Variants in COLEC11 observed in about 807,000 individuals in gnomAD.
The protein encoded by COLEC11 is collectin-11.
Under a neutral mutation model 27.3 loss-of-function variants are expected in COLEC11, and 20 were observed. That is an observed-to-expected ratio of 0.73 (90% CI 0.51 to 1.06). COLEC11 has a LOEUF of 1.06. COLEC11 is among the 50% of genes least tolerant of loss of function. COLEC11 has a pLI of 0.00. For missense variants in COLEC11, 310 were observed against 383.0 expected, an observed-to-expected ratio of 0.81 and a Z score of 1.59; for synonymous variants, 163 against 154.7, an observed-to-expected ratio of 1.05 and a Z score of -0.40.
intron 3 of COLEC11, among the ~76,000 whole-genome samples, chr2:3,616,391 G>A (rs917292213): frequency 6.6e-6 from 1 of 151,916 alleles, no homozygotes; most frequent in Non-Finnish European, 1.5e-5. Flanking sequence ...TCGGCACTTT[G>A]GGAGGCCAAG....
intron 3 of COLEC11, among the ~76,000 whole-genome samples, chr2:3,621,663 A>G (rs1031886522): frequency 6.6e-6 from 1 of 152,044 alleles, no homozygotes; most frequent in African/African-American, 2.4e-5. Flanking sequence ...AATTTTCTGT[A>G]GTAGTATGCA....
chr2:3,619,914 C>A (rs183298603), intron 3 of COLEC11, among the ~76,000 whole-genome samples: 1 of 152,222 alleles, frequency 6.6e-6, no homozygotes, highest in African/African-American at 2.4e-5. Flanking sequence ...GCATGAGCCA[C>A]CGCTCCCGGC....
chr2:3,643,304 G>A, intron 5 of COLEC11, 140 bp from the exon 6 acceptor site: 1 of 725,794 alleles, frequency 1.4e-6, no homozygotes, highest in Non-Finnish European at 2.5e-6. Context: ...GGATGAAGTG[G>A]GTGATGGTTA....
chr2:3,613,255 T>A, intron 2 of COLEC11, 56 bp from the exon 3 acceptor site: 1 of 1,549,114 alleles, frequency 6.5e-7, no homozygotes, highest in Non-Finnish European at 8.8e-7. Flanking sequence ...CACAAATCAC[T>A]CTGAGACGCT....
At chr2:3,624,923 T>G (rs1306167760) in intron 3 of COLEC11, among the ~76,000 whole-genome samples, 1 of 152,210 alleles carries the variant, frequency 6.6e-6, no homozygotes, top group South Asian at 2.1e-4. Context: ...TGGATCACAC[T>G]CTGCCATCCT....
intron 2 of COLEC11, chr2:3,606,253 C>T (rs1286310791): frequency 1.2e-5 from 18 of 1,549,942 alleles, no homozygotes; most frequent in Non-Finnish European, 1.5e-5. Flanking sequence ...GGTCAGTAGC[C>T]TGCACTGGTG....
intron 3 of COLEC11, among the ~76,000 whole-genome samples, chr2:3,619,122 A>G (rs1663994451): frequency 6.6e-6 from 1 of 151,714 alleles, no homozygotes; most frequent in Non-Finnish European, 1.5e-5. Flanking sequence ...AGCCAGCTTT[A>G]CCTCTCCCTT....
chr2:3,613,483 A>C, intron 3 of COLEC11, 101 bp downstream of exon 3: 1 of 1,269,706 alleles, frequency 7.9e-7, no homozygotes, highest in Non-Finnish European at 1.1e-6. Context: ...CAGAGAGGAC[A>C]GGCCCTGCCC....
chr2:3,625,388 G>T (rs1026494760), intron 3 of COLEC11, among the ~76,000 whole-genome samples: 1 of 152,114 alleles, frequency 6.6e-6, no homozygotes, highest in African/African-American at 2.4e-5. Context: ...CTGCCTTGTG[G>T]TGGGTGGGGG....
chr2:3,628,632 CGAG>C (rs1558509398), intron 3 of COLEC11, among the ~76,000 whole-genome samples: 2 of 152,190 alleles, frequency 1.3e-5, no homozygotes, highest in African/African-American at 4.8e-5. Context: ...ACCCCCCATT[CGAG>C]GAGGTGGTGC....
rs777356067 is a variant in COLEC11 at position 3,643,792 on chromosome 2, G to A, written c.490G>A (p.Ala164Thr). The change falls in exon 7 of 7, where the codon GCG becomes ACG. Residue 164 changes from alanine to threonine, a missense_variant. Transcript: ENST00000349077. ...YLLVKEEKRY[A>T]DAQLSCQGRG... ...GCTGGTGAAGGAGGAGAAGCGCTAC[G>A]CGGACGCCCAGCTGTCCTGCCAGGG... 13 of 1,613,462 alleles carry A rather than the reference G, an allele frequency of 8.1e-6. No homozygotes were observed. The highest frequency in any genetic ancestry group is 4.4e-5 in the South Asian group (4 of 91,092).
intron 5 of COLEC11, among the ~76,000 whole-genome samples, chr2:3,642,254 C>T (rs1260657305): frequency 6.6e-6 from 1 of 152,198 alleles, no homozygotes; most frequent in Non-Finnish European, 1.5e-5. Context: ...ATCTCAGGCT[C>T]TCCATGCCCC....
chr2:3,617,479 G>C, intron 3 of COLEC11: 1 of 1,376,300 alleles, frequency 7.3e-7, no homozygotes. Flanking sequence ...AAGCTAAACA[G>C]CTAAAAGAAG....
intron 3 of COLEC11, among the ~76,000 whole-genome samples, chr2:3,636,847 G>T (rs961555572): frequency 6.6e-6 from 1 of 152,132 alleles, no homozygotes; most frequent in Non-Finnish European, 1.5e-5. Context: ...AGACAATCCC[G>T]TGGGATCTTG....
chr2:3,642,800 C>T (rs1226036805), intron 5 of COLEC11, among the ~76,000 whole-genome samples: 1 of 152,206 alleles, frequency 6.6e-6, no homozygotes, highest in Non-Finnish European at 1.5e-5. Context: ...TCCTCACTTC[C>T]TCCCAGGCCT....
chr2:3,632,532 T>C (rs1046571784), intron 3 of COLEC11, among the ~76,000 whole-genome samples: 1 of 152,190 alleles, frequency 6.6e-6, no homozygotes, highest in Non-Finnish European at 1.5e-5. Flanking sequence ...CCTCTCTTTC[T>C]CTTCGGTAAA....
At chr2:3,604,043 G>A in intron 1 of COLEC11, 1 of 578,898 alleles carries the variant, frequency 1.7e-6, no homozygotes, top group Non-Finnish European at 3.1e-6. Flanking sequence ...CGAACTCCTT[G>A]GGGTGGGCGA....
chr2:3,604,730 A>G (rs1445855334), intron 2 of COLEC11, among the ~76,000 whole-genome samples: 2 of 152,136 alleles, frequency 1.3e-5, no homozygotes, highest in African/African-American at 2.4e-5. Context: ...GCTGGAAGGC[A>G]CCTGGCTTTC....
At chr2:3,636,474 C>A (rs1665424948) in intron 3 of COLEC11, among the ~76,000 whole-genome samples, 1 of 152,196 alleles carries the variant, frequency 6.6e-6, no homozygotes, top group Non-Finnish European at 1.5e-5. Flanking sequence ...AAGTCCTTCC[C>A]ACCACCCACT....
Sources: gnomAD v4.1 joint callset for allele counts (sites outside exome capture counted in the v4.1 genomes callset) on GRCh38, gnomAD v4.1.1 for gene constraint, MANE v1.5 for transcripts, NCBI Gene and HGNC (gene_info 2026-07-23, HGNC 2026-07-21) for gene names.